DLG5: variants seen among roughly 807,000 people sequenced by gnomAD.
DLG5 encodes the protein disks large homolog 5.
In DLG5, 48 loss-of-function variants were observed where a neutral mutation model predicts 189.8. The ratio of observed to expected loss-of-function variants is 0.25; its 90% CI spans 0.20 to 0.32. DLG5 has a LOEUF of 0.32. DLG5 is among the 10% of genes least tolerant of loss of function. The probability of loss-of-function intolerance (pLI) is 1.00; values close to 1 mark genes in which losing one functional copy is unlikely to be tolerated. For synonymous variants in DLG5, 1,016 were observed against 1,054.1 expected, an observed-to-expected ratio of 0.96 and a Z score of 0.70; for missense variants, 2,160 against 2,544.7, an observed-to-expected ratio of 0.85 and a Z score of 3.25.
rs1842404475 is a variant in DLG5, at chr10:77,822,209, T to C, written c.2383-108A>G. On this transcript the variant is annotated intron_variant, in intron 14 of 31. Transcript: ENST00000372391. ...AAGCAATGGTCAGGAATGGGCCACC[T>C]GCCCCTTAAAAAAGAGACAGATAGA... 17 of 1,266,634 alleles carry C rather than the reference T, an allele frequency of 1.3e-5. 1 individual carries two copies. In the Middle Eastern group the frequency reaches 7.0e-4, roughly 52 times the overall value. The allele number at this position is 1,266,634 out of a possible 1,614,324, so 78.5% of individuals were successfully genotyped here.
intron 2 of DLG5, among the ~76,000 whole-genome samples, chr10:77,860,551 T>C (rs1844433418): frequency 6.6e-6 from 1 of 152,246 alleles, no homozygotes; most frequent in South Asian, 2.1e-4. Context: ...CCCACTCACC[T>C]TGGCCTCCCA....
chr10:77,900,066 A>C (rs1031995974), intron 1 of DLG5, among the ~76,000 whole-genome samples: 20 of 152,164 alleles, frequency 1.3e-4, no homozygotes, highest in Non-Finnish European at 1.9e-4. Flanking sequence ...TCTGCTCTAC[A>C]GTGTATATAT....
At chr10:77,932,173 T>C in the DLG5 span, among the ~76,000 whole-genome samples, 1 of 152,218 alleles carries the variant, frequency 6.6e-6, no homozygotes, top group Non-Finnish European at 1.5e-5. Flanking sequence ...CCACTGTTCT[T>C]TTGGCTTCCC....
In DLG5 at chr10:77,816,723, G is replaced by C. The variant is rs530598553; in HGVS notation, c.3875-22C>G. The stretch of plus-strand genomic sequence containing the variant: ...GAACCTGCAGAGAGGAGCGGGTAAT[G>C]CCGGTGTGAACTCCCATCTCACTTC... On this transcript the variant is annotated intron_variant, in intron 19 of 31. Transcript: ENST00000372391. The C allele has an allele frequency of 1.7e-5, 27 of 1,583,110 alleles. No homozygotes were observed. In the African/African-American group the frequency reaches 3.2e-4, roughly 19 times the overall value.
chr10:77,820,350 G>GGAAAA, intron 15 of DLG5: 1 of 143,684 alleles, frequency 7.0e-6, no homozygotes, highest in Non-Finnish European at 1.5e-5. Flanking sequence ...CATCTTAGGG[G>GGAAAA]AAAAAAAAAA....
chr10:77,794,867 T>C lies in DLG5; in HGVS notation c.5528A>G (p.Lys1843Arg), dbSNP rs770506428. The C allele has an allele frequency of 1.2e-4, 191 of 1,613,914 alleles. No individual in the cohort carries two copies. Among genetic ancestry groups the C allele is most frequent in the Non-Finnish European group, 1.6e-4 (187 of 1,180,006 alleles). ...IYPIVIFIHY[K>R]SAKHIKEQRD... The stretch of plus-strand genomic sequence containing the variant: ...TACCTACTTGATGTGCTTGGCGCTC[T>C]TGTAGTGGATGAAGATGACAATGGG... Residue 1843 changes from lysine (K) to arginine (R), a missense_variant, in exon 30 of 32, where the codon AAG becomes AGG. Lys to Arg is a conservative substitution (Grantham distance 26). Coordinates refer to ENST00000372391, the MANE Select transcript of DLG5 (RefSeq NM_004747.4).
At chr10:77,929,176 G>A (rs1424254082), upstream of DLG5, 6 of 152,248 alleles carry the variant, frequency 3.9e-5, no homozygotes, top group African/African-American at 1.2e-4. Flanking sequence ...GAGTAGCTGG[G>A]ATCATAGGTG....
At chr10:77,856,691 A>C in intron 3 of DLG5, 39 bp downstream of exon 3, 1 of 1,597,694 alleles carries the variant, frequency 6.3e-7, no homozygotes, top group Non-Finnish European at 8.6e-7. Context: ...AGTAATCCCA[A>C]CCATGGGGCC....
intron 1 of DLG5, among the ~76,000 whole-genome samples, chr10:77,902,807 C>A (rs1334003266): frequency 6.6e-6 from 1 of 151,906 alleles, no homozygotes; most frequent in Non-Finnish European, 1.5e-5. Context: ...TTGCAGTGAG[C>A]CGAGATCGTA....
chr10:77,861,736 A>G (rs1222566469), intron 2 of DLG5, among the ~76,000 whole-genome samples: 2 of 152,226 alleles, frequency 1.3e-5, no homozygotes. Context: ...TGGCTAGGAA[A>G]ATGGGATTCC....
chr10:77,932,015 G>C, the DLG5 span, among the ~76,000 whole-genome samples: 2 of 152,246 alleles, frequency 1.3e-5, no homozygotes, highest in South Asian at 4.1e-4. Flanking sequence ...AACTCCTGTA[G>C]GTCAGAATGC....
intron 2 of DLG5, among the ~76,000 whole-genome samples, chr10:77,864,910 T>TCAAAGAC (rs2154576953): frequency 6.6e-6 from 1 of 152,238 alleles, no homozygotes; most frequent in South Asian, 2.1e-4. Context: ...TCCAGCCAGA[T>TCAAAGAC]CAAAGACTTG....
the DLG5 span, among the ~76,000 whole-genome samples, chr10:77,932,626 G>A: frequency 3.3e-5 from 5 of 152,216 alleles, no homozygotes; most frequent in East Asian, 9.7e-4. Context: ...TGAGACCAGA[G>A]TCTATAAAAA....
At chr10:77,867,024 C>A (rs941322059) in intron 2 of DLG5, 3 of 457,126 alleles carry the variant, frequency 6.6e-6, no homozygotes, top group African/African-American at 2.0e-5. Context: ...CACATCAGAG[C>A]ACTGCACTCT....
chr10:77,868,967 T>A, intron 2 of DLG5, 162 bp downstream of exon 2: 1 of 645,078 alleles, frequency 1.6e-6, no homozygotes, highest in Non-Finnish European at 2.7e-6. Context: ...CAGAACTGGG[T>A]TTCTGATGAT....
rs367701431 is a variant in DLG5 at position 77,806,832 on chromosome 10, G to T, written c.4893C>A (p.Phe1631Leu). 1 of 1,611,128 alleles carries T rather than the reference G, an allele frequency of 6.2e-7. No homozygotes were observed. Among genetic ancestry groups the T allele is most frequent in the African/African-American group, 1.3e-5 (1 of 74,652 alleles). The change falls in exon 26 of 32, where the codon TTC becomes TTA. Residue 1631 changes from phenylalanine to leucine, a missense_variant. Phe to Leu is a conservative substitution (Grantham distance 22). This residue lies in a region of DLG5 where 574 missense variants were observed against 644.2 expected (regional missense o/e 0.89). Transcript: ENST00000372391. The part of the protein sequence containing the change: ...YVDDTLPQGT[F>L]GSWMAWQLDE... ...CCAGCTGCCAAGCCATCCAGGACCC[G>T]AACGTGCCCTGGGGTAAGGTGTCAT...
In DLG5 at chr10:77,821,290, G is replaced by A; in HGVS notation, c.3194C>T (p.Pro1065Leu). Residue 1065 changes from proline (P) to leucine (L), a missense_variant, in exon 15 of 32, where the codon CCC (proline) becomes CTC (leucine). Pro to Leu is a moderately conservative substitution (Grantham distance 98). This residue lies in a region of DLG5 where 754 missense variants were observed against 746.5 expected (regional missense o/e 1.01). Coordinates refer to ENST00000372391, the MANE Select transcript of DLG5 (RefSeq NM_004747.4). ...VDPGEPMHAS[P>L]PRKARVRIAS... is the part of the protein sequence containing the mutation. ...AATGCGGACCCTGGCCTTGCGAGGG[G>A]GTGATGCGTGCATGGGCTCCCCGGG... 1.2e-6 allele frequency: 2 copies of A among 1,613,668 alleles called. No homozygotes were observed. The highest frequency in any genetic ancestry group is 1.7e-6 in the Non-Finnish European group (2 of 1,180,030).
chr10:77,811,054 G>T lies in DLG5; in HGVS notation c.4463+40C>A, dbSNP rs530436199. 256 of 1,595,436 alleles carry T rather than the reference G, an allele frequency of 1.6e-4. 6 individuals carry two copies. The South Asian group carries it at 2.8e-3, about 17-fold the overall frequency. ...AGAATGTGCTCAGCCCCACCCAGCC[G>T]AAGCGGACACAGGGAAGGCTCACAG... On this transcript the variant is annotated intron_variant, in intron 23 of 31. Coordinates refer to ENST00000372391, the MANE Select transcript of DLG5 (RefSeq NM_004747.4).
chr10:77,825,287 G>A (rs993931596), intron 13 of DLG5, among the ~76,000 whole-genome samples: 1 of 152,176 alleles, frequency 6.6e-6, no homozygotes, highest in Non-Finnish European at 1.5e-5. Flanking sequence ...TGGGCAGTGG[G>A]AGGGAGACCT....
Sources: gnomAD v4.1 joint callset for allele counts (sites outside exome capture counted in the v4.1 genomes callset) on GRCh38, gnomAD v4.1.1 for gene constraint, gnomAD v4.1.1 regional missense constraint, MANE v1.5 for transcripts, NCBI Gene and HGNC (gene_info 2026-07-23, HGNC 2026-07-21) for gene names.